Variants in ZBED6 observed in about 807,000 individuals in gnomAD.
ZBED6 encodes the protein zinc finger BED-type containing 6, also known as zinc finger BED domain-containing protein 6.
In ZBED6, 40 loss-of-function variants were observed where a neutral mutation model predicts 58.4. The observed-to-expected ratio is 0.68, with a 90% CI of 0.53 to 0.89. ZBED6 has a LOEUF of 0.89. ZBED6 is among the 40% of genes least tolerant of loss of function. ZBED6 has a pLI of 0.00. For missense variants in ZBED6, 1,057 were observed against 1,003.9 expected (o/e 1.05, Z -0.71); for synonymous variants, 439 against 350.6 (o/e 1.25, Z -2.82).
rs1193965279 is a variant in ZBED6 at position 203,823,433 on chromosome 1, T to A, written c.*2873+4744T>A. On this transcript the variant is annotated intron_variant, in intron 3 of 16. Coordinates refer to ENST00000550078, the Ensembl canonical transcript of ZBED6. ...AGGATTTTCATTGGTGCTAGCCATATAAGCACTCTTTACCAAACATGTACC... is the reference window on the plus strand; with the variant it reads ...AGGATTTTCATTGGTGCTAGCCATAAAAGCACTCTTTACCAAACATGTACC... Among the ~76,000 whole-genome samples, 3 of 152,230 alleles carry A rather than the reference T, an allele frequency of 2.0e-5. No homozygotes were observed. In the East Asian group the frequency reaches 5.8e-4, roughly 29 times the overall value.
At chr1:203,829,202 T>G (rs1241998385) in intron 4 of ZBED6, 9 of 544,820 alleles carry the variant, frequency 1.7e-5, no homozygotes, top group Admixed American at 1.3e-4. Context: ...GTACTATGCT[T>G]CTTCTAGTCT....
chr1:203,849,771 A>G, exon 14 of ZBED6: 2 of 1,613,952 alleles, frequency 1.2e-6, no homozygotes, highest in East Asian at 4.5e-5. Context: ...ATGTGAGACC[A>G]TGAGAGAGAA....
At chr1:203,798,290 T>C in exon 1 of ZBED6, 1 of 1,536,144 alleles carries the variant, frequency 6.5e-7, no homozygotes. Flanking sequence ...TTGTCAAGCA[T>C]GCTTTAATTC....
At chr1:203,844,768 C>CT (rs1687427441) in intron 11 of ZBED6, among the ~76,000 whole-genome samples, 1 of 152,052 alleles carries the variant, frequency 6.6e-6, no homozygotes, top group African/African-American at 2.4e-5. Flanking sequence ...CACAGTAAGA[C>CT]TTTATTTTCT....
rs369412562 is a variant in ZBED6 at position 203,851,018 on chromosome 1, C to G, written c.*4806-39C>G. The G allele has an allele frequency of 8.1e-6, 13 of 1,605,904 alleles. No homozygotes were observed. The African/African-American group carries it at 1.7e-4, about 21-fold the overall frequency. ...AAATGAATATGCTCAAATTAAAAAG[C>G]CTGACTCTCACTGAATTACCTGACT... is the stretch of plus-strand genomic sequence containing the variant. On this transcript the variant is annotated intron_variant, in intron 15 of 16. Transcript: ENST00000550078.
chr1:203,844,718 A>G (rs1687403404), intron 11 of ZBED6, among the ~76,000 whole-genome samples: 1 of 152,088 alleles, frequency 6.6e-6, no homozygotes, highest in Admixed American at 6.5e-5. Context: ...GGCAGCTTGT[A>G]TGGACTGAAG....
chr1:203,806,755 A>T (rs931791643), intron 1 of ZBED6, among the ~76,000 whole-genome samples: 2 of 146,114 alleles, frequency 1.4e-5, no homozygotes, highest in African/African-American at 5.0e-5. Context: ...ATTTCTGGTG[A>T]TTATGTGCAT....
At chr1:203,825,579 C>T (rs997321294) in intron 3 of ZBED6, among the ~76,000 whole-genome samples, 7 of 151,920 alleles carry the variant, frequency 4.6e-5, no homozygotes, top group Non-Finnish European at 5.9e-5. Flanking sequence ...GGACTACAGG[C>T]GCCCTCCACC....
chr1:203,809,874 A>G (rs1673740692), intron 1 of ZBED6, among the ~76,000 whole-genome samples: 1 of 152,114 alleles, frequency 6.6e-6, no homozygotes, highest in African/African-American at 2.4e-5. Context: ...GAATTGCTTG[A>G]ACCCAGGAGG....
rs1266406820 is a variant in ZBED6, at chr1:203,820,482, G to GTGTGTGTGTGTGTGTGTGTGTGTA, written c.*2873+1794_*2873+1795insGTGTGTGTGTGTGTGTGTGTGTAT. ...TATCACAAATTATGTGTGTGTGTGTGTATATTTTGAGTTGAGACAGAGTCT... is the reference window on the plus strand; with the variant it reads ...TATCACAAATTATGTGTGTGTGTGTGTGTGTGTGTGTGTGTGTGTGTGTATATATTTTGAGTTGAGACAGAGTCT... On this transcript the variant is annotated intron_variant, in intron 3 of 16. Transcript: ENST00000550078. 5.3e-5 allele frequency among the ~76,000 whole-genome samples: 8 copies of GTGTGTGTGTGTGTGTGTGTGTGTA among 151,970 alleles called. No individual in the cohort carries two copies. The South Asian group carries it at 1.5e-3, about 28-fold the overall frequency.
At chr1:203,830,925 ATTTTTTTTTTTTTTTTTTT>A (rs774771270) in intron 7 of ZBED6, among the ~76,000 whole-genome samples, 828 of 51,458 alleles carry the variant, frequency 0.016, 16 homozygotes, top group African/African-American at 0.055. Context: ...CCAACCCCCA[ATTTTTTTTTTTTTTTTTTT>A]TTTTTTTTTT....
At chr1:203,803,840 C>T (rs990284967) in intron 1 of ZBED6, among the ~76,000 whole-genome samples, 1 of 152,070 alleles carries the variant, frequency 6.6e-6, no homozygotes, top group Non-Finnish European at 1.5e-5. Flanking sequence ...CTCCTGGGTT[C>T]AAGCAGTCTT....
chr1:203,833,874 ATCTTT>A (rs1309069170), intron 9 of ZBED6, 21 bp downstream of exon 9: 7 of 1,598,914 alleles, frequency 4.4e-6, no homozygotes, highest in Non-Finnish European at 5.1e-6. Context: ...TTTTGTGTAT[ATCTTT>A]TCTTTTCTAC....
At chr1:203,851,195 A>G (rs1273080316) in intron 16 of ZBED6, 71 bp downstream of exon 16, 2 of 1,338,172 alleles carry the variant, frequency 1.5e-6, no homozygotes, top group Non-Finnish European at 2.1e-6. Flanking sequence ...AGAGAATAAC[A>G]CTGATAAATA....
At chr1:203,835,123 A>G (rs1427848748) in intron 9 of ZBED6, among the ~76,000 whole-genome samples, 1 of 152,236 alleles carries the variant, frequency 6.6e-6, no homozygotes, top group Non-Finnish European at 1.5e-5. Context: ...ACAGTGAGAG[A>G]TGGGAATGTA....
At chr1:203,844,842 T>C (rs1687453694) in intron 11 of ZBED6, among the ~76,000 whole-genome samples, 1 of 151,998 alleles carries the variant, frequency 6.6e-6, no homozygotes, top group African/African-American at 2.4e-5. Flanking sequence ...CTCCCTCCCC[T>C]TTTTCTGCTT....
intron 8 of ZBED6, among the ~76,000 whole-genome samples, chr1:203,833,223 C>T (rs892059151): frequency 1.3e-5 from 2 of 152,092 alleles, no homozygotes; most frequent in African/African-American, 4.8e-5. Flanking sequence ...CAAAATTTAG[C>T]TGGGCATGGT....
exon 17 of ZBED6, chr1:203,852,517 A>C: frequency 8.9e-7 from 1 of 1,127,948 alleles, no homozygotes; most frequent in Non-Finnish European, 1.2e-6. Context: ...CCCAAATCAG[A>C]AGTATACCTC....
At chr1:203,842,940 C>A (rs1686878471) in intron 11 of ZBED6, among the ~76,000 whole-genome samples, 1 of 147,022 alleles carries the variant, frequency 6.8e-6, no homozygotes. Flanking sequence ...TTTTTTAATA[C>A]CTTGCTGAAT....
Sources: gnomAD v4.1 joint callset for allele counts (sites outside exome capture counted in the v4.1 genomes callset) on GRCh38, gnomAD v4.1.1 for gene constraint, MANE v1.5 for transcripts, NCBI Gene and HGNC (gene_info 2026-07-23, HGNC 2026-07-21) for gene names.